Variants in NCOA2 observed in about 807,000 individuals in gnomAD.
NCOA2 encodes the protein class E basic helix-loop-helix protein 75.
In NCOA2, 21 loss-of-function variants were observed where a neutral mutation model predicts 145.1. The observed-to-expected ratio is 0.14, with a 90% CI of 0.10 to 0.21. NCOA2 has a LOEUF of 0.21. NCOA2 is among the 10% of genes least tolerant of loss of function. The probability of loss-of-function intolerance (pLI) is 1.00; values close to 1 mark genes in which losing one functional copy is unlikely to be tolerated. For missense variants in NCOA2, 1,472 were observed against 1,837.6 expected (o/e 0.80, Z 3.64); for synonymous variants, 619 against 637.5 (o/e 0.97, Z 0.44).
intron 1 of NCOA2, among the ~76,000 whole-genome samples, chr8:70,298,080 G>C (rs1827221731): frequency 6.6e-6 from 1 of 151,978 alleles, no homozygotes; most frequent in African/African-American, 2.4e-5. Flanking sequence ...TAAGCTACTA[G>C]ATTTTTCTTC....
At chr8:70,364,717 T>C (rs900450252) in intron 1 of NCOA2, among the ~76,000 whole-genome samples, 5 of 148,086 alleles carry the variant, frequency 3.4e-5, no homozygotes, top group Non-Finnish European at 1.5e-5. Flanking sequence ...TCTTGACCAC[T>C]ACATTATTCC....
intron 2 of NCOA2, among the ~76,000 whole-genome samples, chr8:70,271,224 A>G (rs1825019656): frequency 6.6e-6 from 1 of 152,266 alleles, no homozygotes; most frequent in African/African-American, 2.4e-5. Flanking sequence ...AAGATACAGT[A>G]TAGTAAATGA....
chr8:70,269,399 TG>T (rs1824867744), intron 2 of NCOA2, among the ~76,000 whole-genome samples: 1 of 151,930 alleles, frequency 6.6e-6, no homozygotes, highest in South Asian at 2.1e-4. Context: ...GGTTCAAATC[TG>T]GGATAAGGAC....
At chr8:70,255,575 T>C (rs1340334431) in intron 2 of NCOA2, among the ~76,000 whole-genome samples, 1 of 152,156 alleles carries the variant, frequency 6.6e-6, no homozygotes, top group African/African-American at 2.4e-5. Context: ...TGACTTTGAA[T>C]CTCTCAAGGG....
chr8:70,134,878 C>T (rs1417782916), intron 15 of NCOA2, among the ~76,000 whole-genome samples: 4 of 152,120 alleles, frequency 2.6e-5, no homozygotes, highest in African/African-American at 9.7e-5. Flanking sequence ...TTGGGACTCT[C>T]GGGACACTTT....
At chr8:70,196,399 AAAT>A (rs1024064679) in intron 4 of NCOA2, among the ~76,000 whole-genome samples, 2 of 152,128 alleles carry the variant, frequency 1.3e-5, no homozygotes, top group African/African-American at 4.8e-5. Context: ...TAAAAATAAA[AAAT>A]AACCTTTCCT....
intron 2 of NCOA2, among the ~76,000 whole-genome samples, chr8:70,259,480 G>A (rs1283982550): frequency 6.6e-6 from 1 of 152,036 alleles, no homozygotes; most frequent in Non-Finnish European, 1.5e-5. Flanking sequence ...AAATTTGATG[G>A]TAGTCACAAT....
chr8:70,280,904 G>C (rs1470488697), intron 2 of NCOA2, among the ~76,000 whole-genome samples: 2 of 151,870 alleles, frequency 1.3e-5, no homozygotes, highest in East Asian at 3.9e-4. Context: ...CTTAAGAATG[G>C]GAGGCCAGTG....
At position 70,343,570 on chromosome 8, in the gene NCOA2, G is replaced by A. The variant is rs368275112; in HGVS notation, c.-76-46770C>T. On this transcript the variant is annotated intron_variant, in intron 1 of 22. Coordinates refer to ENST00000452400, the MANE Select transcript of NCOA2 (RefSeq NM_006540.4). ...TGCCTGTAATCCCAGCACTTTGGGA[G>A]GGAGGCCGAGGCGGGCAGATCACTT... Among the ~76,000 whole-genome samples, 30 of 152,004 alleles carry A rather than the reference G, an allele frequency of 2.0e-4. No homozygotes were observed. In the East Asian group the frequency reaches 5.0e-3, roughly 25 times the overall value.
At chr8:70,114,139 G>A (rs897737066) in intron 22 of NCOA2, among the ~76,000 whole-genome samples, 2 of 152,098 alleles carry the variant, frequency 1.3e-5, no homozygotes, top group Non-Finnish European at 2.9e-5. Flanking sequence ...GGTTCTCTGG[G>A]TGTGTTCTCC....
intron 13 of NCOA2, 150 bp from the exon 14 acceptor site, chr8:70,141,549 C>T: frequency 1.3e-6 from 1 of 745,662 alleles, no homozygotes; most frequent in Non-Finnish European, 2.2e-6. Context: ...GATGTGGGAC[C>T]TTGGCTAAGA....
intron 1 of NCOA2, among the ~76,000 whole-genome samples, chr8:70,302,080 A>AC (rs766570146): frequency 3.9e-5 from 6 of 152,118 alleles, no homozygotes; most frequent in Non-Finnish European, 8.8e-5. Context: ...ACAGGATATA[A>AC]CCCCAAGAAG....
At chr8:70,189,318 T>C (rs1287589679) in intron 4 of NCOA2, among the ~76,000 whole-genome samples, 1 of 152,178 alleles carries the variant, frequency 6.6e-6, no homozygotes, top group Non-Finnish European at 1.5e-5. Flanking sequence ...ATCCAAGCTG[T>C]TTACCCTCTG....
intron 12 of NCOA2, among the ~76,000 whole-genome samples, chr8:70,147,354 A>G (rs928697608): frequency 2.0e-5 from 3 of 152,244 alleles, no homozygotes; most frequent in Non-Finnish European, 4.4e-5. Context: ...TCACTTGAGA[A>G]AAGACCTAGC....
chr8:70,204,708 G>A (rs990681806), intron 4 of NCOA2, among the ~76,000 whole-genome samples: 1 of 152,102 alleles, frequency 6.6e-6, no homozygotes, highest in Non-Finnish European at 1.5e-5. Context: ...ACCGCTGCAG[G>A]TGGCTGGGTG....
intron 2 of NCOA2, among the ~76,000 whole-genome samples, chr8:70,225,970 G>A (rs1324595147): frequency 1.3e-5 from 2 of 152,114 alleles, no homozygotes; most frequent in Non-Finnish European, 2.9e-5. Flanking sequence ...GGGCACAGAA[G>A]AGCAGCTGGC....
intron 1 of NCOA2, among the ~76,000 whole-genome samples, chr8:70,360,697 G>A (rs1810119871): frequency 6.6e-6 from 1 of 152,090 alleles, no homozygotes; most frequent in South Asian, 2.1e-4. Flanking sequence ...CAGCACTTTG[G>A]GAGGCTGAGG....
chr8:70,229,969 T>A (rs1820991834), intron 2 of NCOA2, among the ~76,000 whole-genome samples: 1 of 152,160 alleles, frequency 6.6e-6, no homozygotes, highest in African/African-American at 2.4e-5. Context: ...TAAGGTAGAG[T>A]ATATTTAATT....
At chr8:70,250,395 A>C (rs1324697280) in intron 2 of NCOA2, among the ~76,000 whole-genome samples, 52 of 18,104 alleles carry the variant, frequency 2.9e-3, no homozygotes, top group African/African-American at 0.02. Context: ...CCTGTCTCAA[A>C]AAAAAAAAAA....
Sources: allele counts gnomAD v4.1 joint callset (sites outside exome capture counted in the v4.1 genomes callset), GRCh38; gene constraint gnomAD v4.1.1; transcripts MANE v1.5; gene names NCBI Gene and HGNC (gene_info 2026-07-23, HGNC 2026-07-21).